The following RAB27B variants were observed in gnomAD, a reference collection of about 807,000 sequenced individuals.
The protein encoded by RAB27B is RAB27B, member RAS oncogene family.
In RAB27B, 15 loss-of-function variants were observed where a neutral mutation model predicts 24.6. The ratio of observed to expected loss-of-function variants is 0.61; its 90% CI spans 0.41 to 0.94. RAB27B has a LOEUF of 0.94. Ranked by LOEUF, RAB27B falls within the 40% of genes least tolerant of loss-of-function variation. The pLI, the probability that RAB27B is intolerant of heterozygous loss-of-function variation, is 0.00. For missense variants in RAB27B, 261 were observed against 266.8 expected, an observed-to-expected ratio of 0.98 and a Z score of 0.15; for synonymous variants, 105 against 92.5, an observed-to-expected ratio of 1.14 and a Z score of -0.78.
intron 3 of RAB27B, chr18:54,880,490 C>G (rs1912880611): frequency 1.3e-5 from 2 of 152,160 alleles, no homozygotes. Flanking sequence ...ACACTTCCAT[C>G]TTTGAAATGC....
At chr18:54,877,437 A>G in intron 1 of RAB27B, 130 bp from the exon 2 acceptor site, 1 of 675,918 alleles carries the variant, frequency 1.5e-6, no homozygotes, top group Non-Finnish European at 2.2e-6. Flanking sequence ...GATCAAGTTA[A>G]TTTCAAATAT....
At chr18:54,736,317 G>A (rs1312867034) in intron 2 of RAB27B, among the ~76,000 whole-genome samples, 1 of 152,108 alleles carries the variant, frequency 6.6e-6, no homozygotes, top group Non-Finnish European at 1.5e-5. Flanking sequence ...ACCCAATAGT[G>A]CAGTAAGGAA....
intron 2 of RAB27B, among the ~76,000 whole-genome samples, chr18:54,816,698 T>A (rs1044215067): frequency 4.1e-4 from 62 of 152,266 alleles, no homozygotes; most frequent in Non-Finnish European, 1.6e-4. Context: ...AAGTGGAAGT[T>A]TGGGCTGTGT....
chr18:54,856,827 G>A (rs996203778), intron 1 of RAB27B, among the ~76,000 whole-genome samples: 75 of 152,330 alleles, frequency 4.9e-4, no homozygotes, highest in African/African-American at 1.6e-3. Context: ...GAGTAAATCA[G>A]TTAATCTGGG....
chr18:54,790,168 T>A (rs1466626852), intron 2 of RAB27B, among the ~76,000 whole-genome samples: 1 of 152,108 alleles, frequency 6.6e-6, no homozygotes, highest in Non-Finnish European at 1.5e-5. Flanking sequence ...AATTTGTTGA[T>A]CTTACAAAAT....
At chr18:54,786,420 C>T (rs1909087889) in intron 2 of RAB27B, among the ~76,000 whole-genome samples, 1 of 152,124 alleles carries the variant, frequency 6.6e-6, no homozygotes, top group African/African-American at 2.4e-5. Context: ...TGTCTCATTC[C>T]CTGATGATAC....
At chr18:54,770,710 G>C (rs1207841068) in intron 2 of RAB27B, among the ~76,000 whole-genome samples, 1 of 151,908 alleles carries the variant, frequency 6.6e-6, no homozygotes, top group Non-Finnish European at 1.5e-5. Flanking sequence ...TCTATTTCTA[G>C]TCTCAGTTCT....
At chr18:54,741,611 A>C (rs1910073737) in intron 2 of RAB27B, among the ~76,000 whole-genome samples, 1 of 151,942 alleles carries the variant, frequency 6.6e-6, no homozygotes, top group Admixed American at 6.6e-5. Flanking sequence ...CTCCCACCCC[A>C]GCCTCCCAAG....
chr18:54,894,348 C>T lies in RAB27B; in HGVS notation c.*4935C>T, dbSNP rs1217151040. On this transcript the variant is annotated 3_prime_UTR_variant, in exon 6 of 6. Coordinates refer to ENST00000262094, the MANE Select transcript of RAB27B (RefSeq NM_004163.4). The stretch of plus-strand genomic sequence containing the variant: ...TGGTTGTGGAAGTAATGGCTAACAT[C>T]CTTCAGCTGACTTTGTCTACAAGGA... 1.3e-5 allele frequency: 2 copies of T among 152,022 alleles called. No homozygotes were observed. 9.4% of individuals were successfully genotyped at this position (152,022 alleles called of 1,614,324 possible).
chr18:54,884,459 C>T (rs1598994512), intron 4 of RAB27B, 23 bp downstream of exon 4: 6 of 1,506,344 alleles, frequency 4.0e-6, no homozygotes, highest in Non-Finnish European at 5.5e-6. Flanking sequence ...GAGTAATGTG[C>T]ATTGGCCGCT....
intron 2 of RAB27B, among the ~76,000 whole-genome samples, chr18:54,753,081 T>C (rs948321337): frequency 2.6e-5 from 4 of 152,098 alleles, no homozygotes; most frequent in Admixed American, 6.5e-5. Flanking sequence ...TTGCTTAACA[T>C]TGATTTGAGG....
chr18:54,753,969 C>G (rs1365852962), intron 2 of RAB27B, among the ~76,000 whole-genome samples: 1 of 152,082 alleles, frequency 6.6e-6, no homozygotes, highest in Non-Finnish European at 1.5e-5. Context: ...GAAAATGGTG[C>G]CCTGTTTACA....
chr18:54,877,201 A>G (rs755291654), intron 1 of RAB27B, among the ~76,000 whole-genome samples: 29 of 152,008 alleles, frequency 1.9e-4, no homozygotes, highest in Admixed American at 1.4e-3. Context: ...TCCTTCTGCA[A>G]TGATTGTAAG....
chr18:54,822,814 C>A (rs572124748), intron 2 of RAB27B, among the ~76,000 whole-genome samples: 1 of 152,212 alleles, frequency 6.6e-6, no homozygotes, highest in African/African-American at 2.4e-5. Flanking sequence ...ATGGCATACC[C>A]ACACTACTGT....
intron 4 of RAB27B, 87 bp from the exon 5 acceptor site, chr18:54,887,908 A>ACCAAAC: frequency 6.8e-7 from 1 of 1,478,140 alleles, no homozygotes; most frequent in East Asian, 2.3e-5. Flanking sequence ...GAGATAAGCA[A>ACCAAAC]TTAGATCAGG....
At chr18:54,725,287 CT>C (rs201911014) in intron 2 of RAB27B, among the ~76,000 whole-genome samples, 1 of 151,304 alleles carries the variant, frequency 6.6e-6, no homozygotes, top group Non-Finnish European at 1.5e-5. Flanking sequence ...AACGTTAGTT[CT>C]TTTTTTTCTT....
chr18:54,822,042 C>T (rs957971819), intron 2 of RAB27B, among the ~76,000 whole-genome samples: 2 of 152,182 alleles, frequency 1.3e-5, no homozygotes, highest in African/African-American at 4.8e-5. Flanking sequence ...AGTGGGCTAC[C>T]ATGCCCAGTC....
chr18:54,823,845 C>T (rs890918224), upstream of RAB27B, among the ~76,000 whole-genome samples: 1 of 152,020 alleles, frequency 6.6e-6, no homozygotes, highest in African/African-American at 2.4e-5. Flanking sequence ...TTAAAATTAA[C>T]TTTATTTTTA....
intron 2 of RAB27B, among the ~76,000 whole-genome samples, chr18:54,754,914 T>C (rs1318391703): frequency 2.0e-5 from 3 of 152,158 alleles, no homozygotes; most frequent in Admixed American, 6.5e-5. Context: ...GAGGTGGAGT[T>C]GATTTTAAAA....
Sources: allele counts gnomAD v4.1 joint callset (sites outside exome capture counted in the v4.1 genomes callset), GRCh38; gene constraint gnomAD v4.1.1; transcripts MANE v1.5; gene names NCBI Gene and HGNC (gene_info 2026-07-23, HGNC 2026-07-21).